PKHD1: variants seen among roughly 807,000 people sequenced by gnomAD.
PKHD1 encodes the protein PKHD1 ciliary IPT domain containing fibrocystin/polyductin, also known as fibrocystin.
PKHD1 carries 291 observed loss-of-function variants against 412.0 expected under a neutral mutation model. The ratio of observed to expected loss-of-function variants is 0.71; its 90% CI spans 0.64 to 0.78. The LOEUF (loss-of-function observed/expected upper bound fraction) is 0.78, where lower values mean the gene tolerates loss of function less well. PKHD1 is among the 30% of genes least tolerant of loss of function. PKHD1 has a pLI of 0.00. For missense variants in PKHD1, 4,825 were observed against 4,950.7 expected (o/e 0.97, Z 0.76); for synonymous variants, 1,777 against 1,821.5 (o/e 0.98, Z 0.62).
chr6:51,912,519 G>C lies in PKHD1; in HGVS notation c.6179C>G (p.Thr2060Arg). The C allele has an allele frequency of 6.2e-7, 1 of 1,613,306 alleles. No homozygotes were observed. The highest frequency in any genetic ancestry group is 8.5e-7 in the Non-Finnish European group (1 of 1,179,442). The change falls in exon 38 of 67, where the codon ACA becomes AGA. Residue 2060 changes from threonine to arginine, a missense_variant. Physicochemically the swap from Thr to Arg is moderately conservative, Grantham distance 71. Transcript: ENST00000371117. ...CACAGCATCTTCTAAAGCCAGCACT[G>C]TGTCTAGGGCATGGGCAGTTGCTCT... ...CLRATAHALD[T>R]VLALEDAVDW...
chr6:51,727,255 A>C (rs118123865), intron 60 of PKHD1, among the ~76,000 whole-genome samples: 2 of 152,102 alleles, frequency 1.3e-5, no homozygotes, highest in African/African-American at 4.8e-5. Context: ...GACAAACTGC[A>C]TATGTTACTG....
In PKHD1 at chr6:51,671,367, C is replaced by T. The variant is rs1277480960; in HGVS notation, c.10157-11398G>A. Among the ~76,000 whole-genome samples the T allele has an allele frequency of 1.2e-4, 19 of 152,314 alleles. No individual in the cohort carries two copies. The East Asian group carries it at 3.5e-3, about 28-fold the overall frequency. On this transcript the variant is annotated intron_variant, in intron 60 of 66. Coordinates refer to ENST00000371117, the MANE Select transcript of PKHD1 (RefSeq NM_138694.4). ...GCTCCTGAGGGTTCCGCATTCTTCACGTAGTTCTCGAGCCTTGGTTTTCAG... is the reference window on the plus strand; with the variant it reads ...GCTCCTGAGGGTTCCGCATTCTTCATGTAGTTCTCGAGCCTTGGTTTTCAG...
intron 60 of PKHD1, among the ~76,000 whole-genome samples, chr6:51,728,351 C>T (rs1164208867): frequency 6.6e-6 from 1 of 152,144 alleles, no homozygotes; most frequent in Non-Finnish European, 1.5e-5. Context: ...TACCTCTCAG[C>T]CCCCACACTT....
chr6:51,828,938 T>C (rs1326602), intron 52 of PKHD1, among the ~76,000 whole-genome samples: 58,456 of 152,004 alleles, frequency 0.38, 11,986 homozygotes, highest in African/African-American at 0.5. Context: ...TTTTTGGAGA[T>C]AGAAGAGGGG....
rs1766220139 is a variant in PKHD1, at chr6:51,618,176, G to A, written c.*905C>T. On this transcript the variant is annotated 3_prime_UTR_variant, in exon 67 of 67. Coordinates refer to ENST00000371117, the MANE Select transcript of PKHD1 (RefSeq NM_138694.4). Reference sequence around the variant, plus strand: ...TGCACAGCCTAGAGCAGTTGCATATGACATAATCTCTCCTCTCCTTAGTAT... The same window carrying A: ...TGCACAGCCTAGAGCAGTTGCATATAACATAATCTCTCCTCTCCTTAGTAT... 6.6e-6 allele frequency: 1 copy of A among 152,136 alleles called. No individual in the cohort carries two copies. The highest frequency in any genetic ancestry group is 6.6e-5 in the Admixed American group (1 of 15,260). The allele number at this position is 152,136 out of a possible 1,614,324, so 9.4% of individuals were successfully genotyped here.
chr6:51,949,385 G>A (rs1023358000), intron 36 of PKHD1, among the ~76,000 whole-genome samples: 13 of 152,168 alleles, frequency 8.5e-5, no homozygotes, highest in Non-Finnish European at 1.5e-4. Context: ...GAGTGATCTG[G>A]GCAGAGTTGG....
chr6:51,757,000 TAG>T (rs1562243621), intron 55 of PKHD1, among the ~76,000 whole-genome samples: 1 of 152,030 alleles, frequency 6.6e-6, no homozygotes, highest in Non-Finnish European at 1.5e-5. Context: ...CAGTTCACAA[TAG>T]AGTTTGCATT....
Position 51,934,232 on chromosome 6 carries a change from G to C in PKHD1, c.5999C>G (p.Ser2000Cys), listed in dbSNP as rs751691928. ...VSDGGELRIG[S>C]EDKPFQGRAQ... ...TCTGCCTTGGAAGGGCTTGTCTTCG[G>C]ATCCAATCCGGAGCTCTCCACCATC... The change falls in exon 37 of 67, where the codon TCC (serine) becomes TGC (cysteine). Residue 2000 changes from serine to cysteine, a missense_variant. Ser to Cys is a moderately radical substitution (Grantham distance 112). Transcript: ENST00000371117. 2 of 1,613,752 alleles carry C rather than the reference G, an allele frequency of 1.2e-6. No individual in the cohort carries two copies. The highest frequency in any genetic ancestry group is 1.7e-6 in the Non-Finnish European group (2 of 1,179,760).
chr6:51,935,029 T>C (rs1221679926), intron 36 of PKHD1, among the ~76,000 whole-genome samples: 2 of 152,218 alleles, frequency 1.3e-5, no homozygotes, highest in African/African-American at 2.4e-5. Context: ...GATGCCCACC[T>C]GCCCATCTCC....
chr6:51,831,113 G>T, intron 51 of PKHD1, 124 bp from the exon 52 acceptor site: 2 of 710,728 alleles, frequency 2.8e-6, no homozygotes, highest in Non-Finnish European at 4.9e-6. Context: ...TATTTTATAA[G>T]TTTCTGTACA....
chr6:51,926,115 C>T (rs1376732897), intron 37 of PKHD1, among the ~76,000 whole-genome samples: 4 of 151,886 alleles, frequency 2.6e-5, no homozygotes, highest in Admixed American at 2.6e-4. Flanking sequence ...AGAAGAAAAC[C>T]GAAGGAGCAA....
In PKHD1 at chr6:51,659,346, G is replaced by T. The variant is rs1562041176; in HGVS notation, c.10780C>A (p.Gln3594Lys). Residue 3594 changes from glutamine (Q) to lysine (K), a missense_variant, in exon 61 of 67, where the codon CAA becomes AAA. Physicochemically the swap from Gln to Lys is moderately conservative, Grantham distance 53 (BLOSUM62 1). Coordinates refer to ENST00000371117, the MANE Select transcript of PKHD1 (RefSeq NM_138694.4). ...LTNFLQIGQN[Q>K]IRFIHEMPGH... ...GGCATCTCGTGAATAAACCTGATTT[G>T]GTTTTGGCCAATCTGTAAGAAGTTA... 1.2e-6 allele frequency: 2 copies of T among 1,613,726 alleles called. No homozygotes were observed. The highest frequency in any genetic ancestry group is 1.7e-6 in the Non-Finnish European group (2 of 1,179,864).
intron 54 of PKHD1, 120 bp downstream of exon 54, chr6:51,775,688 G>C: frequency 1.6e-6 from 1 of 636,044 alleles, no homozygotes; most frequent in African/African-American, 1.8e-5. Context: ...AATATAAATT[G>C]CCTAAAAGGG....
rs1180824199 is a variant in PKHD1 at position 51,999,638 on chromosome 6, A to T, written c.5751+10671T>A. 3.3e-5 allele frequency among the ~76,000 whole-genome samples: 5 copies of T among 152,304 alleles called. No homozygotes were observed. The East Asian group carries it at 9.6e-4, about 29-fold the overall frequency. On this transcript the variant is annotated intron_variant, in intron 35 of 66. Coordinates refer to ENST00000371117, the MANE Select transcript of PKHD1 (RefSeq NM_138694.4). ...ATTTATGGCTGAATCAACAAGAATT[A>T]AAAAGAGGACAACCCTGAGGAGAAA...
intron 35 of PKHD1, among the ~76,000 whole-genome samples, chr6:51,965,983 G>A (rs1792742874): frequency 6.6e-6 from 1 of 152,028 alleles, no homozygotes; most frequent in Non-Finnish European, 1.5e-5. Context: ...TCACTTGTGG[G>A]AGAAAAAATG....
At chr6:52,003,275 A>C (rs562565591) in intron 35 of PKHD1, among the ~76,000 whole-genome samples, 25 of 152,302 alleles carry the variant, frequency 1.6e-4, no homozygotes, top group African/African-American at 6.0e-4. Context: ...TTTTGTAGTC[A>C]CTAGAAAAAC....
At chr6:52,006,695 A>G (rs191992741) in intron 35 of PKHD1, among the ~76,000 whole-genome samples, 10 of 152,022 alleles carry the variant, frequency 6.6e-5, no homozygotes, top group African/African-American at 1.9e-4. Flanking sequence ...TATTTTTTTA[A>G]TTTTTTATTT....
At chr6:51,647,229 G>C (rs887831854) in intron 63 of PKHD1, among the ~76,000 whole-genome samples, 2 of 152,080 alleles carry the variant, frequency 1.3e-5, no homozygotes, top group Non-Finnish European at 2.9e-5. Context: ...TCTTTGAGTA[G>C]GTTGTATTTC....
intron 60 of PKHD1, among the ~76,000 whole-genome samples, chr6:51,663,044 G>A (rs1030106278): frequency 1.3e-5 from 2 of 151,944 alleles, no homozygotes; most frequent in African/African-American, 4.8e-5. Flanking sequence ...TCAGAAGCAT[G>A]GATCCAGTAT....
Sources: allele counts gnomAD v4.1 joint callset (sites outside exome capture counted in the v4.1 genomes callset), GRCh38; gene constraint gnomAD v4.1.1; transcripts MANE v1.5; gene names NCBI Gene and HGNC (gene_info 2026-07-23, HGNC 2026-07-21).